ZNF790: variants seen among roughly 807,000 people sequenced by gnomAD.
The protein encoded by ZNF790 is zinc finger protein 790.
ZNF790 carries 8 observed loss-of-function variants against 12.1 expected under a neutral mutation model. The observed-to-expected ratio is 0.66, with a 90% CI of 0.39 to 1.19. ZNF790 has a LOEUF of 1.19. Ranked by LOEUF, ZNF790 falls within the 50% of genes most tolerant of loss-of-function variation. ZNF790 has a pLI of 0.01. For missense variants in ZNF790, 707 were observed against 752.2 expected, an observed-to-expected ratio of 0.94 and a Z score of 0.70; for synonymous variants, 252 against 244.3, an observed-to-expected ratio of 1.03 and a Z score of -0.29.
At chr19:36,848,288 G>A (rs1237857136) in intron 1 of ZNF790, among the ~76,000 whole-genome samples, 1 of 152,154 alleles carries the variant, frequency 6.6e-6, no homozygotes, top group Non-Finnish European at 1.5e-5. Context: ...ATGACTTCTG[G>A]GAAAAGGAAA....
chr19:36,830,275 A>C (rs970690684), intron 1 of ZNF790, among the ~76,000 whole-genome samples: 1 of 151,934 alleles, frequency 6.6e-6, no homozygotes, highest in Non-Finnish European at 1.5e-5. Flanking sequence ...CAAATGCCTT[A>C]TCTCTATCTA....
At chr19:36,839,045 T>C (rs907645892), upstream of ZNF790, among the ~76,000 whole-genome samples, 1 of 152,242 alleles carries the variant, frequency 6.6e-6, no homozygotes, top group Non-Finnish European at 1.5e-5. Flanking sequence ...CTTATTCCCA[T>C]CCTCCAATCG....
Position 36,818,523 on chromosome 19 carries a change from G to T in ZNF790, c.1821C>A (p.His607Gln). 1 of 1,600,948 alleles carries T rather than the reference G, an allele frequency of 6.2e-7. No individual in the cohort carries two copies. Among genetic ancestry groups the T allele is most frequent in the Non-Finnish European group, 8.5e-7 (1 of 1,169,684 alleles). The change falls in exon 5 of 5, where the codon CAC (histidine) becomes CAA (glutamine). Residue 607 changes from histidine to glutamine, a missense_variant. Coordinates refer to ENST00000356725, the MANE Select transcript of ZNF790 (RefSeq NM_206894.4). ...ATTTCTCAAAAGTGTAAATATTCTG[G>T]TGTTGAGCAAAGTTTGACTCATGAC... ...TFSHESNFAQ[H>Q]QNIYTFEKSY...
chr19:36,829,429 T>C (rs148170574), intron 1 of ZNF790, among the ~76,000 whole-genome samples: 16 of 152,342 alleles, frequency 1.1e-4, no homozygotes, highest in Admixed American at 3.3e-4. Flanking sequence ...CATAAGGTTC[T>C]CAAGGTTTAT....
At chr19:36,827,135 C>CATATATAT (rs2071830499) in intron 1 of ZNF790, among the ~76,000 whole-genome samples, 2 of 72,930 alleles carry the variant, frequency 2.7e-5, no homozygotes, top group African/African-American at 1.3e-4. Context: ...CACACACACA[C>CATATATAT]ACACACATAT....
At chr19:36,830,910 C>T (rs1161523826) in intron 1 of ZNF790, among the ~76,000 whole-genome samples, 3 of 152,138 alleles carry the variant, frequency 2.0e-5, no homozygotes, top group South Asian at 4.1e-4. Flanking sequence ...GAGGCCAAAG[C>T]GGGCGGATCA....
intron 3 of ZNF790, 100 bp downstream of exon 3, chr19:36,823,567 T>TA: frequency 6.7e-7 from 1 of 1,497,368 alleles, no homozygotes; most frequent in Non-Finnish European, 9.1e-7. Context: ...AACCATTTTC[T>TA]AAAAAACAAA....
intron 1 of ZNF790, among the ~76,000 whole-genome samples, chr19:36,826,560 C>T (rs1053126513): frequency 1.1e-4 from 16 of 146,060 alleles, no homozygotes; most frequent in Non-Finnish European, 1.9e-4. Flanking sequence ...TCCAGCCTGG[C>T]GACACAGCGA....
intron 1 of ZNF790, among the ~76,000 whole-genome samples, chr19:36,826,476 G>A (rs962998383): frequency 2.0e-5 from 3 of 151,208 alleles, no homozygotes; most frequent in Admixed American, 6.6e-5. Flanking sequence ...CCAGCTATTC[G>A]GGAGGCTGAG....
chr19:36,838,891 C>T (rs2072103263), upstream of ZNF790, among the ~76,000 whole-genome samples: 1 of 152,222 alleles, frequency 6.6e-6, no homozygotes, highest in African/African-American at 2.4e-5. The surrounding 1 kb of genome is among the most constrained non-coding windows in gnomAD (Gnocchi z 4.4). Flanking sequence ...CTGCCCGAGC[C>T]TCGGCCCGGC....
intron 1 of ZNF790, among the ~76,000 whole-genome samples, chr19:36,845,505 C>T (rs1383508174): frequency 6.6e-6 from 1 of 151,700 alleles, no homozygotes; most frequent in South Asian, 2.1e-4. Flanking sequence ...AATATACTGC[C>T]CTCTGGGGTT....
At position 36,819,539 on chromosome 19, in the gene ZNF790, G is replaced by C; in HGVS notation, c.805C>G (p.Leu269Val). The change falls in exon 5 of 5, where the codon CTT (leucine) becomes GTT (valine). Residue 269 changes from leucine to valine, a missense_variant. By Grantham distance (32) the Leu-to-Val change is conservative. Coordinates refer to ENST00000356725, the MANE Select transcript of ZNF790 (RefSeq NM_206894.4). ...CGKAFRFHSQ[L>V]SVHKRIHTGE... Reference sequence around the variant, plus strand: ...GTATGAATTCGCTTATGGACACTAAGTTGTGAATGAAATCTAAAGGCTTTC... The same window carrying C: ...GTATGAATTCGCTTATGGACACTAACTTGTGAATGAAATCTAAAGGCTTTC... 1 of 1,612,968 alleles carries C rather than the reference G, an allele frequency of 6.2e-7. No individual in the cohort carries two copies. Among genetic ancestry groups the C allele is most frequent in the Non-Finnish European group, 8.5e-7 (1 of 1,179,368 alleles).
intron 2 of ZNF790, among the ~76,000 whole-genome samples, chr19:36,825,289 TTTAA>T (rs2071772971): frequency 6.6e-6 from 1 of 152,242 alleles, no homozygotes; most frequent in South Asian, 2.1e-4. Context: ...GTATGTCCCC[TTTAA>T]TTATTCTATC....
chr19:36,820,005 G>C lies in ZNF790; in HGVS notation c.339C>G (p.Asp113Glu), dbSNP rs1219323313. ...IMRICKNHSL[D>E]CLCFRGDWEG... The stretch of plus-strand genomic sequence containing the variant: ...CCCAGTCACCTCTAAAACATAAACA[G>C]TCAAGGCTGTGGTTTTTACAAATTC... Residue 113 changes from aspartate (D) to glutamate (E), a missense_variant, in exon 5 of 5, where the codon GAC becomes GAG. Coordinates refer to ENST00000356725, the MANE Select transcript of ZNF790 (RefSeq NM_206894.4). The C allele has an allele frequency of 6.2e-7, 1 of 1,613,948 alleles. No homozygotes were observed. The highest frequency in any genetic ancestry group is 8.5e-7 in the Non-Finnish European group (1 of 1,180,014).
At chr19:36,833,944 T>C (rs1398011104) in intron 1 of ZNF790, among the ~76,000 whole-genome samples, 1 of 152,072 alleles carries the variant, frequency 6.6e-6, no homozygotes, top group Non-Finnish European at 1.5e-5. Flanking sequence ...TTTTTGTTCA[T>C]CAGAAAAGAG....
intron 1 of ZNF790, among the ~76,000 whole-genome samples, chr19:36,831,725 C>A (rs1167564070): frequency 6.6e-6 from 1 of 151,868 alleles, no homozygotes; most frequent in African/African-American, 2.4e-5. Flanking sequence ...AAATGAAATC[C>A]AAATTAAGAG....
At chr19:36,824,354 C>T (rs1334299364) in intron 2 of ZNF790, among the ~76,000 whole-genome samples, 2 of 150,868 alleles carry the variant, frequency 1.3e-5, no homozygotes, top group South Asian at 2.1e-4. Context: ...TCACCCAGAC[C>T]GGAGTGCAGT....
intron 1 of ZNF790, among the ~76,000 whole-genome samples, chr19:36,848,424 C>T (rs928378440): frequency 1.3e-5 from 2 of 152,144 alleles, no homozygotes; most frequent in African/African-American, 4.8e-5. Flanking sequence ...ACCCCACAGG[C>T]GTTTTCTTTT....
intron 1 of ZNF790, among the ~76,000 whole-genome samples, chr19:36,834,336 C>T (rs2146073145): frequency 6.6e-6 from 1 of 150,914 alleles, no homozygotes; most frequent in South Asian, 2.1e-4. Context: ...TGACAAGGGA[C>T]TCATTCAGAT....
Sources: allele counts gnomAD v4.1 joint callset (sites outside exome capture counted in the v4.1 genomes callset), GRCh38; gene constraint gnomAD v4.1.1; non-coding constraint Gnocchi (gnomAD v3.1); transcripts MANE v1.5; gene names NCBI Gene and HGNC (gene_info 2026-07-23, HGNC 2026-07-21).